RMND1: variants seen among roughly 807,000 people sequenced by gnomAD.
RMND1 encodes the protein required for meiotic nuclear division protein 1 homolog.
In RMND1, 41 loss-of-function variants were observed where a neutral mutation model predicts 54.0. The observed-to-expected ratio is 0.76, with a 90% CI of 0.59 to 0.98. The LOEUF (loss-of-function observed/expected upper bound fraction) is 0.98, where lower values mean the gene tolerates loss of function less well. Ranked by LOEUF, RMND1 falls within the 50% of genes least tolerant of loss-of-function variation. RMND1 has a pLI of 0.00. For synonymous variants in RMND1, 183 were observed against 181.7 expected (o/e 1.01, Z -0.06); for missense variants, 457 against 532.0 (o/e 0.86, Z 1.39).
At chr6:151,407,546 T>C (rs1221434275) in intron 10 of RMND1, among the ~76,000 whole-genome samples, 1 of 152,146 alleles carries the variant, frequency 6.6e-6, no homozygotes, top group Admixed American at 6.6e-5. Context: ...CAAAGTCTAT[T>C]ATTAAGTCTA....
At chr6:151,425,778 G>A (rs1454032173) in intron 6 of RMND1, among the ~76,000 whole-genome samples, 1 of 152,202 alleles carries the variant, frequency 6.6e-6, no homozygotes, top group East Asian at 1.9e-4. Context: ...CAATTATAGG[G>A]TTTTCCCCAG....
intron 2 of RMND1, among the ~76,000 whole-genome samples, chr6:151,438,063 T>C (rs1780663575): frequency 6.6e-6 from 1 of 152,160 alleles, no homozygotes; most frequent in African/African-American, 2.4e-5. Flanking sequence ...CATATGAAAG[T>C]AGGAACACGG....
At chr6:151,433,104 T>C (rs1158846818) in intron 4 of RMND1, 51 bp downstream of exon 4, 1 of 1,163,408 alleles carries the variant, frequency 8.6e-7, no homozygotes, top group Admixed American at 2.0e-5. Context: ...AAGACCACAA[T>C]TACTTGACCC....
At chr6:151,435,172 G>A (rs1482675031) in intron 3 of RMND1, among the ~76,000 whole-genome samples, 2 of 151,732 alleles carry the variant, frequency 1.3e-5, no homozygotes, top group African/African-American at 4.8e-5. Flanking sequence ...TTAAGACAGA[G>A]TCTCACTCTG....
intron 1 of RMND1, among the ~76,000 whole-genome samples, chr6:151,446,422 GAAA>G (rs78186986): frequency 1.5e-5 from 2 of 133,136 alleles, no homozygotes; most frequent in African/African-American, 5.5e-5. Flanking sequence ...TCTGTCTCAG[GAAA>G]AAAAAAAAAA....
At chr6:151,424,161 A>T (rs984333247) in intron 6 of RMND1, among the ~76,000 whole-genome samples, 2 of 152,060 alleles carry the variant, frequency 1.3e-5, no homozygotes, top group Non-Finnish European at 2.9e-5. Context: ...GAAAACTTTT[A>T]AAAAAATGGT....
rs1422992645 is a variant in RMND1, at chr6:151,414,922, A to ATTTCTAG, written c.1200+2356_1200+2357insCTAGAAA. ...CTGAAAGAAAGAAAACTGTCTACCT[A>ATTTCTAG]GAATCCTATTTCTAGGAAAATATCC... is the stretch of plus-strand genomic sequence containing the variant. On this transcript the variant is annotated intron_variant, in intron 10 of 11. Coordinates refer to ENST00000444024, the MANE Select transcript of RMND1 (RefSeq NM_017909.4). Among the ~76,000 whole-genome samples, 6 of 152,340 alleles carry ATTTCTAG rather than the reference A, an allele frequency of 3.9e-5. No individual in the cohort carries two copies. The East Asian group carries it at 1.2e-3, about 29-fold the overall frequency.
chr6:151,451,499 G>C (rs1051467352), intron 1 of RMND1, among the ~76,000 whole-genome samples: 2 of 152,164 alleles, frequency 1.3e-5, no homozygotes, highest in South Asian at 4.1e-4. Context: ...AAAAAAATAA[G>C]AGGAAAGGGC....
intron 7 of RMND1, among the ~76,000 whole-genome samples, chr6:151,422,982 G>A (rs1299182239): frequency 2.0e-5 from 3 of 152,174 alleles, no homozygotes; most frequent in African/African-American, 7.2e-5. Context: ...GTAAACCTCA[G>A]AAATCTCCGA....
At chr6:151,441,170 A>C (rs73783017) in intron 2 of RMND1, among the ~76,000 whole-genome samples, 12,727 of 152,244 alleles carry the variant, frequency 0.084, 728 homozygotes, top group East Asian at 0.15. Flanking sequence ...TTGTTTTAGG[A>C]GCATCGCATG....
rs543496776 is a variant in RMND1 at position 151,412,689 on chromosome 6, A to G, written c.1200+4590T>C. 9.2e-5 allele frequency among the ~76,000 whole-genome samples: 14 copies of G among 152,326 alleles called. No homozygotes were observed. In the South Asian group the frequency reaches 1.7e-3, roughly 18 times the overall value. ...GTTCTACAGGAAGCATGATGCTGGC[A>G]TGTGCTTGGCTTCTGGGGAAGCCTC... On this transcript the variant is annotated intron_variant, in intron 10 of 11. Transcript: ENST00000444024.
chr6:151,448,522 C>T (rs1392883518), intron 1 of RMND1, among the ~76,000 whole-genome samples: 1 of 152,176 alleles, frequency 6.6e-6, no homozygotes, highest in Non-Finnish European at 1.5e-5. Context: ...AAGCCAAAAA[C>T]GTGGGGTCCA....
chr6:151,413,117 C>T (rs1779903898), intron 10 of RMND1, among the ~76,000 whole-genome samples: 1 of 152,182 alleles, frequency 6.6e-6, no homozygotes, highest in Non-Finnish European at 1.5e-5. Context: ...GAACCAAATC[C>T]AGCCAATAAC....
At chr6:151,442,944 C>G (rs1358275711) in intron 2 of RMND1, among the ~76,000 whole-genome samples, 2 of 152,124 alleles carry the variant, frequency 1.3e-5, no homozygotes, top group Non-Finnish European at 2.9e-5. Context: ...GACAGGGTGA[C>G]TGAAACCTCA....
chr6:151,405,786 C>G lies in RMND1; in HGVS notation c.1251G>C (p.Arg417=). The change falls in exon 11 of 12, where the codon CGG becomes CGC. Residue 417 remains arginine, a synonymous_variant. Transcript: ENST00000444024. ...QHCMELTDLM[R]NHLNEKRALR... Reference sequence around the variant, plus strand: ...GTGCCCTCTTCTCATTCAGGTGATTCCGCATTAGATCTGTTAGTTCCATGC... The same window carrying G: ...GTGCCCTCTTCTCATTCAGGTGATTGCGCATTAGATCTGTTAGTTCCATGC... 6.2e-7 allele frequency: 1 copy of G among 1,612,992 alleles called. No individual in the cohort carries two copies. Among genetic ancestry groups the G allele is most frequent in the Non-Finnish European group, 8.5e-7 (1 of 1,179,122 alleles).
chr6:151,450,803 G>A lies in RMND1; in HGVS notation c.-15+1213C>T, dbSNP rs999608019. Among the ~76,000 whole-genome samples the A allele has an allele frequency of 1.8e-4, 28 of 152,268 alleles. No individual in the cohort carries two copies. In the East Asian group the frequency reaches 2.7e-3, roughly 15 times the overall value. On this transcript the variant is annotated intron_variant, in intron 1 of 11. Transcript: ENST00000444024. ...AAGATTGAGAAATCGGATGGTTGCC[G>A]TGTCTGTGTAGAAAGAAGTAGACAT...
chr6:151,427,141 G>C (rs577416570), intron 6 of RMND1, among the ~76,000 whole-genome samples: 6 of 152,036 alleles, frequency 3.9e-5, no homozygotes, highest in African/African-American at 1.4e-4. Flanking sequence ...CACTTTGAGA[G>C]GCTGAGGTGG....
At chr6:151,430,296 G>T in intron 4 of RMND1, 119 bp from the exon 5 acceptor site, 1 of 642,772 alleles carries the variant, frequency 1.6e-6, no homozygotes, top group South Asian at 2.1e-5. Context: ...AAAATATGAT[G>T]GTACTTACTA....
At chr6:151,443,659 C>T (rs374696760) in intron 2 of RMND1, among the ~76,000 whole-genome samples, 5 of 152,280 alleles carry the variant, frequency 3.3e-5, no homozygotes, top group African/African-American at 7.2e-5. Flanking sequence ...AGACAGCATG[C>T]GACTTGCTCT....
Sources: allele counts gnomAD v4.1 joint callset (sites outside exome capture counted in the v4.1 genomes callset), GRCh38; gene constraint gnomAD v4.1.1; transcripts MANE v1.5; gene names NCBI Gene and HGNC (gene_info 2026-07-23, HGNC 2026-07-21).